CBFA2T2: variants seen among roughly 807,000 people sequenced by gnomAD.
CBFA2T2 encodes the protein CBFA2/RUNX1 partner transcriptional co-repressor 2.
A neutral mutation model predicts 62.2 loss-of-function variants in CBFA2T2; 11 were observed. The observed-to-expected ratio is 0.18, with a 90% CI of 0.11 to 0.29. The LOEUF (loss-of-function observed/expected upper bound fraction) is 0.29, where lower values mean the gene tolerates loss of function less well. Among genes scored for constraint, CBFA2T2 ranks in the 10% least tolerant of loss-of-function variants. The pLI is 1.00. For synonymous variants in CBFA2T2, 295 were observed against 287.5 expected, an observed-to-expected ratio of 1.03 and a Z score of -0.27; for missense variants, 592 against 774.1, an observed-to-expected ratio of 0.76 and a Z score of 2.79.
At chr20:33,584,695 C>T (rs533044830) in intron 1 of CBFA2T2, among the ~76,000 whole-genome samples, 3 of 152,046 alleles carry the variant, frequency 2.0e-5, no homozygotes, top group African/African-American at 7.2e-5. Flanking sequence ...CAATTATAAC[C>T]ATAATATATT....
At chr20:33,595,368 T>A (rs2014839922) in intron 1 of CBFA2T2, among the ~76,000 whole-genome samples, 1 of 151,938 alleles carries the variant, frequency 6.6e-6, no homozygotes, top group South Asian at 2.1e-4. Context: ...CACACCACCA[T>A]GCCCAGCTGA....
At chr20:33,591,302 G>A (rs184171543) in intron 1 of CBFA2T2, among the ~76,000 whole-genome samples, 231 of 151,708 alleles carry the variant, frequency 1.5e-3, no homozygotes, top group Non-Finnish European at 2.6e-3. Flanking sequence ...TGGCCAACAT[G>A]GTGAAAACCC....
chr20:33,548,676 T>G (rs1351547129), intron 1 of CBFA2T2, among the ~76,000 whole-genome samples: 1 of 152,062 alleles, frequency 6.6e-6, no homozygotes, highest in Non-Finnish European at 1.5e-5. Flanking sequence ...AAATAAATTC[T>G]GGGCTGGGTA....
chr20:33,613,125 T>C (rs1005573054), intron 3 of CBFA2T2, among the ~76,000 whole-genome samples: 1 of 152,260 alleles, frequency 6.6e-6, no homozygotes, highest in African/African-American at 2.4e-5. Flanking sequence ...ACAACTTTCA[T>C]ACAAGGCAAA....
At chr20:33,619,665 C>T (rs1413199951) in intron 4 of CBFA2T2, 59 bp downstream of exon 4, 5 of 1,245,398 alleles carry the variant, frequency 4.0e-6, no homozygotes, top group African/African-American at 1.5e-5. Context: ...TTCTGCTAAT[C>T]CCTGTTACGT....
intron 1 of CBFA2T2, among the ~76,000 whole-genome samples, chr20:33,543,463 A>C (rs183947108): frequency 3.3e-5 from 5 of 152,306 alleles, no homozygotes; most frequent in African/African-American, 1.2e-4. Flanking sequence ...CATAGGACCA[A>C]ATGAATGGTC....
At chr20:33,596,919 G>GTTTTTTTTTTTTTTTTTTT (rs59278499) in intron 1 of CBFA2T2, among the ~76,000 whole-genome samples, 2 of 125,372 alleles carry the variant, frequency 1.6e-5, no homozygotes, top group Non-Finnish European at 3.4e-5. Context: ...CTTGACCTCT[G>GTTTTTTTTTTTTTTTTTTT]TTTTTTTTTT....
At chr20:33,518,195 G>T (rs2011638641) in intron 1 of CBFA2T2, among the ~76,000 whole-genome samples, 1 of 151,530 alleles carries the variant, frequency 6.6e-6, no homozygotes, top group Non-Finnish European at 1.5e-5. Context: ...TGATCCGCCT[G>T]CCTTGCCTCC....
intron 1 of CBFA2T2, among the ~76,000 whole-genome samples, chr20:33,503,483 G>A (rs369260682): frequency 6.6e-6 from 1 of 151,960 alleles, no homozygotes; most frequent in Non-Finnish European, 1.5e-5. Flanking sequence ...TCGAACTCCT[G>A]ACCTCGTGAT....
intron 10 of CBFA2T2, among the ~76,000 whole-genome samples, chr20:33,643,510 G>C (rs1003377789): frequency 8.6e-5 from 13 of 151,668 alleles, no homozygotes; most frequent in Middle Eastern, 3.4e-3. Flanking sequence ...CTGGAGCCTA[G>C]GAGGTCAAGT....
intron 1 of CBFA2T2, among the ~76,000 whole-genome samples, chr20:33,594,230 CT>C (rs201508381): frequency 6.6e-6 from 1 of 151,254 alleles, no homozygotes; most frequent in Non-Finnish European, 1.5e-5. Context: ...TCTTTCTTTT[CT>C]TTTTTTTTGA....
In CBFA2T2 at chr20:33,611,225, G is replaced by A. The variant is rs1462159098; in HGVS notation, c.310G>A (p.Ala104Thr). ...TCAGCAATTGCCAGCCACTTGTGGTGCTCGACAACTCAGCAAGTTGAAACG... is the reference window on the plus strand; with the variant it reads ...TCAGCAATTGCCAGCCACTTGTGGTACTCGACAACTCAGCAAGTTGAAACG... ...TNQQLPATCG[A>T]RQLSKLKRFL... is the part of the protein sequence containing the mutation. The change falls in exon 3 of 11, where the codon GCT becomes ACT. Residue 104 changes from alanine (A) to threonine (T), a missense_variant. Around this residue, in one of 3 missense-constraint regions of CBFA2T2, gnomAD observed 449 missense variants for 551.2 expected, o/e 0.81. Transcript: ENST00000342704. 1.2e-6 allele frequency: 2 copies of A among 1,614,152 alleles called. No homozygotes were observed. The highest frequency in any genetic ancestry group is 1.7e-6 in the Non-Finnish European group (2 of 1,180,030).
At chr20:33,499,288 A>G (rs909984249) in intron 1 of CBFA2T2, among the ~76,000 whole-genome samples, 3 of 152,170 alleles carry the variant, frequency 2.0e-5, no homozygotes, top group African/African-American at 7.2e-5. Flanking sequence ...CTCATTCCTT[A>G]GAGTATTGTT....
chr20:33,600,290 C>T lies in CBFA2T2; in HGVS notation c.35-6666C>T, dbSNP rs550249378. 6.2e-5 allele frequency: 9 copies of T among 145,496 alleles called. No homozygotes were observed. The South Asian group carries it at 1.1e-3, about 18-fold the overall frequency. The allele number at this position is 145,496 out of a possible 1,614,324, so 9.0% of individuals were successfully genotyped here. A position where few individuals can be genotyped will look rare whatever the true frequency, so the allele number is the denominator to read the frequency against. Reference sequence around the variant, plus strand: ...AACTGCAACCTCCACCTCCTGGGTTCAAGCAGTTCTTCTGCCTCAGCCTCC... The same window carrying T: ...AACTGCAACCTCCACCTCCTGGGTTTAAGCAGTTCTTCTGCCTCAGCCTCC... On this transcript the variant is annotated intron_variant, in intron 1 of 10. Coordinates refer to ENST00000342704, the MANE Select transcript of CBFA2T2 (RefSeq NM_001032999.3).
At chr20:33,639,250 A>C (rs557906058) in intron 9 of CBFA2T2, 1 of 152,158 alleles carries the variant, frequency 6.6e-6, no homozygotes, top group African/African-American at 2.4e-5. Context: ...TTCCCCTTGC[A>C]TAGAATCCTT....
chr20:33,546,322 A>T lies in CBFA2T2; in HGVS notation c.34+56021A>T, dbSNP rs550394667. 4.6e-5 allele frequency among the ~76,000 whole-genome samples: 7 copies of T among 152,228 alleles called. No individual in the cohort carries two copies. The South Asian group carries it at 1.5e-3, about 32-fold the overall frequency. On this transcript the variant is annotated intron_variant, in intron 1 of 10. Transcript: ENST00000342704. ...AAAGACTAAAGAAAAGGACATTTTC[A>T]GTTGGTATAAATTTTCTTTTTGTTT...
chr20:33,606,346 G>A (rs1188121602), intron 1 of CBFA2T2, among the ~76,000 whole-genome samples: 1 of 152,084 alleles, frequency 6.6e-6, no homozygotes, highest in Non-Finnish European at 1.5e-5. Flanking sequence ...ATCACCTCTT[G>A]ACCTTGTTTC....
intron 1 of CBFA2T2, among the ~76,000 whole-genome samples, chr20:33,594,148 G>A (rs3970): frequency 0.09 from 13,767 of 152,256 alleles, 1,630 homozygotes; most frequent in African/African-American, 0.26. Context: ...CTAAATTCTA[G>A]CAATAGAGAT....
intron 1 of CBFA2T2, among the ~76,000 whole-genome samples, chr20:33,565,364 G>A (rs2013266235): frequency 6.6e-6 from 1 of 152,054 alleles, no homozygotes; most frequent in Non-Finnish European, 1.5e-5. Context: ...AATTCACATG[G>A]TACTCCTTCA....
Sources: allele counts gnomAD v4.1 joint callset (sites outside exome capture counted in the v4.1 genomes callset), GRCh38; gene constraint gnomAD v4.1.1; regional missense constraint gnomAD v4.1.1; transcripts MANE v1.5; gene names NCBI Gene and HGNC (gene_info 2026-07-23, HGNC 2026-07-21).